The following PITPNM2 variants were observed in gnomAD, a reference collection of about 807,000 sequenced individuals.
PITPNM2 encodes the protein phosphatidylinositol transfer protein membrane associated 2.
Under a neutral mutation model 132.2 loss-of-function variants are expected in PITPNM2, and 35 were observed. That is an observed-to-expected ratio of 0.26 (90% CI 0.20 to 0.35). PITPNM2 has a LOEUF of 0.35. Among genes scored for constraint, PITPNM2 ranks in the 10% least tolerant of loss-of-function variants. The pLI is 1.00. For missense variants in PITPNM2, 1,332 were observed against 1,912.0 expected (o/e 0.70, Z 5.66); for synonymous variants, 738 against 799.2 (o/e 0.92, Z 1.29).
intron 1 of PITPNM2, among the ~76,000 whole-genome samples, chr12:123,137,351 GGTGAGC>G (rs2043404164): frequency 6.6e-6 from 1 of 152,168 alleles, no homozygotes; most frequent in African/African-American, 2.4e-5. Flanking sequence ...TAGAATCACA[GGTGAGC>G]CCCTCTGGCT....
intron 1 of PITPNM2, among the ~76,000 whole-genome samples, chr12:123,113,676 G>A (rs1475818799): frequency 6.6e-6 from 1 of 151,544 alleles, no homozygotes; most frequent in Non-Finnish European, 1.5e-5. Flanking sequence ...ACTCCAGCCT[G>A]AGTGACACAG....
intron 5 of PITPNM2, among the ~76,000 whole-genome samples, chr12:123,011,806 C>T (rs1013474448): frequency 3.3e-5 from 5 of 152,152 alleles, no homozygotes; most frequent in African/African-American, 1.2e-4. Flanking sequence ...GGGGGAAGAA[C>T]CCACCATGCT....
intron 2 of PITPNM2, among the ~76,000 whole-genome samples, chr12:123,048,579 AT>A (rs1199268748): frequency 3.3e-5 from 5 of 149,620 alleles, no homozygotes; most frequent in Non-Finnish European, 7.4e-5. Context: ...CGCCCGGCTA[AT>A]TTTTTGTATT....
chr12:123,021,029 CAAAAAAA>C (rs910751492), intron 3 of PITPNM2, among the ~76,000 whole-genome samples: 50 of 25,308 alleles, frequency 2.0e-3, no homozygotes, highest in South Asian at 4.9e-3. Context: ...AATTCCATCT[CAAAAAAA>C]AAAAAAAAAA....
At chr12:123,076,685 T>G (rs1482446097) in intron 2 of PITPNM2, among the ~76,000 whole-genome samples, 2 of 152,170 alleles carry the variant, frequency 1.3e-5, no homozygotes, top group Non-Finnish European at 2.9e-5. Flanking sequence ...GTTGAGTGCC[T>G]CTTTCAGAGT....
intron 2 of PITPNM2, among the ~76,000 whole-genome samples, chr12:123,066,582 G>C (rs1417784545): frequency 6.6e-6 from 1 of 152,148 alleles, no homozygotes; most frequent in African/African-American, 2.4e-5. Flanking sequence ...ACTCCTCTCT[G>C]CAATGCCCAT....
intron 1 of PITPNM2, among the ~76,000 whole-genome samples, chr12:123,115,087 C>T (rs759332378): frequency 7.9e-5 from 12 of 152,188 alleles, no homozygotes; most frequent in African/African-American, 2.4e-5. Context: ...ACCCGCCCAC[C>T]TCCCTGTATT....
In PITPNM2 at chr12:123,099,100, T is replaced by C. The variant is rs1279993608; in HGVS notation, c.-96+11285A>G. On this transcript the variant is annotated intron_variant, in intron 2 of 25. Coordinates refer to ENST00000320201, the MANE Select transcript of PITPNM2 (RefSeq NM_020845.3). The surrounding 1 kb of genome is among the most constrained non-coding windows in gnomAD (Gnocchi z 4.2). ...CATGTGCTATGCATTCTAACATGTG[T>C]CTATACCCCCATCCCAGGGGCTGAG... Among the ~76,000 whole-genome samples, 3 of 152,108 alleles carry C rather than the reference T, an allele frequency of 2.0e-5. No homozygotes were observed. Among genetic ancestry groups the C allele is most frequent in the African/African-American group, 7.2e-5 (3 of 41,400 alleles).
chr12:123,105,078 T>A (rs1027335260), intron 2 of PITPNM2, among the ~76,000 whole-genome samples: 5 of 152,074 alleles, frequency 3.3e-5, no homozygotes, highest in African/African-American at 9.7e-5. Context: ...TTCCTGAACA[T>A]CCTGGACAAG....
In PITPNM2 at chr12:123,150,212, C is replaced by T. The variant is rs1170545537; in HGVS notation, c.-200+541G>A. Reference sequence around the variant, plus strand: ...ATTCGGGGTGGGAAGAAGACAGAGCCGGCACCCCATTACCACACGAAGGGG... The same window carrying T: ...ATTCGGGGTGGGAAGAAGACAGAGCTGGCACCCCATTACCACACGAAGGGG... On this transcript the variant is annotated intron_variant, in intron 1 of 25. Coordinates refer to ENST00000320201, the MANE Select transcript of PITPNM2 (RefSeq NM_020845.3). This position sits in a 1 kb window ranked among gnomAD's most constrained non-coding sequence, Gnocchi z 6.0. Among the ~76,000 whole-genome samples, 1 of 151,974 alleles carries T rather than the reference C, an allele frequency of 6.6e-6. No homozygotes were observed. The highest frequency in any genetic ancestry group is 2.4e-5 in the African/African-American group (1 of 41,384).
At chr12:123,088,877 A>C (rs946640800) in intron 2 of PITPNM2, 2 of 152,168 alleles carry the variant, frequency 1.3e-5, no homozygotes, top group Non-Finnish European at 2.9e-5. Context: ...TCTCCTTTGC[A>C]CTCATGTTGC....
rs527835720 is a variant in PITPNM2 at position 122,986,786 on chromosome 12, G to A, written c.3457C>T (p.Arg1153Trp). Reference sequence around the variant, plus strand: ...ACCCGCTGCTTCTGCATGTCGGGCCGGCCCGTCACGTAGATGATGAGGTAG... The same window carrying A: ...ACCCGCTGCTTCTGCATGTCGGGCCAGCCCGTCACGTAGATGATGAGGTAG... ...LGYLIIYVTG[R>W]PDMQKQRVVA... Residue 1153 changes from arginine (R) to tryptophan (W), a missense_variant, in exon 24 of 26, where the codon CGG becomes TGG. Arg to Trp is a moderately radical substitution (Grantham distance 101). This residue lies in a region of PITPNM2 where 251 missense variants were observed against 472.0 expected (regional missense o/e 0.53). Transcript: ENST00000320201. The A allele has an allele frequency of 6.2e-7, 1 of 1,613,392 alleles. No individual in the cohort carries two copies. Among genetic ancestry groups the A allele is most frequent in the South Asian group, 1.1e-5 (1 of 91,052 alleles).
chr12:123,124,907 C>T (rs1334353336), intron 1 of PITPNM2, among the ~76,000 whole-genome samples: 1 of 152,124 alleles, frequency 6.6e-6, no homozygotes, highest in African/African-American at 2.4e-5. Context: ...TCTTTAGAAT[C>T]TTGCTAATGT....
At chr12:122,988,476 CACT>C in intron 19 of PITPNM2, 126 bp from the exon 20 acceptor site, 1 of 846,586 alleles carries the variant, frequency 1.2e-6, no homozygotes, top group Non-Finnish European at 1.9e-6. Context: ...TTCTTCAACT[CACT>C]ACTGTCTGCC....
At chr12:123,107,323 G>A (rs1279851724) in intron 2 of PITPNM2, among the ~76,000 whole-genome samples, 2 of 152,224 alleles carry the variant, frequency 1.3e-5, no homozygotes, top group Non-Finnish European at 2.9e-5. Context: ...GCTCACCAAT[G>A]CCGAATGGCA....
chr12:123,129,954 G>A (rs2043227301), intron 1 of PITPNM2, among the ~76,000 whole-genome samples: 1 of 151,834 alleles, frequency 6.6e-6, no homozygotes. Flanking sequence ...GCCCAAGCTG[G>A]AGTGCAGTGG....
chr12:122,986,518 G>T lies in PITPNM2; in HGVS notation c.3644C>A (p.Ala1215Glu). Residue 1215 changes from alanine (A) to glutamate (E), a missense_variant, in exon 25 of 26, where the codon GCG (alanine) becomes GAG (glutamate). Ala to Glu is a moderately radical substitution (Grantham distance 107). Around this residue, in one of 6 missense-constraint regions of PITPNM2, gnomAD observed 251 missense variants for 472.0 expected, o/e 0.53. Coordinates refer to ENST00000320201, the MANE Select transcript of PITPNM2 (RefSeq NM_020845.3). ...GGACAGGCTAATGGCGCTGTACACC[G>T]CCACGTCCTTGGTGGAGCCATAGGC... Reference protein sequence around the residue: ...HAAYGSTKDVAVYSAISLSPM... With the variant: ...HAAYGSTKDVEVYSAISLSPM... 1 of 1,596,560 alleles carries T rather than the reference G, an allele frequency of 6.3e-7. No individual in the cohort carries two copies.
At chr12:123,116,647 CAAA>C (rs5801499) in intron 1 of PITPNM2, among the ~76,000 whole-genome samples, 81 of 107,830 alleles carry the variant, frequency 7.5e-4, no homozygotes, top group Admixed American at 8.7e-4. Context: ...GACCTTGTTT[CAAA>C]AAAAAAAAAA....
chr12:123,017,283 G>T (rs1454026584), intron 3 of PITPNM2, among the ~76,000 whole-genome samples: 1 of 149,300 alleles, frequency 6.7e-6, no homozygotes, highest in Non-Finnish European at 1.5e-5. Flanking sequence ...TGAGGCAGGA[G>T]ATTGCTTGAA....
Sources: gnomAD v4.1 joint callset for allele counts (sites outside exome capture counted in the v4.1 genomes callset) on GRCh38, gnomAD v4.1.1 for gene constraint, gnomAD v4.1.1 regional missense constraint, Gnocchi (gnomAD v3.1) non-coding constraint, MANE v1.5 for transcripts, NCBI Gene and HGNC (gene_info 2026-07-23, HGNC 2026-07-21) for gene names.